The following PCDHA8 variants were observed in gnomAD, a reference collection of about 807,000 sequenced individuals.
PCDHA8 encodes the protein protocadherin alpha 8.
A neutral mutation model predicts 61.8 loss-of-function variants in PCDHA8; 53 were observed. That is an observed-to-expected ratio of 0.86 (90% CI 0.69 to 1.08). The LOEUF (loss-of-function observed/expected upper bound fraction) is 1.08, where lower values mean the gene tolerates loss of function less well. PCDHA8 is among the 50% of genes least tolerant of loss of function. PCDHA8 has a pLI of 0.00. For missense variants in PCDHA8, 1,293 were observed against 1,245.0 expected, an observed-to-expected ratio of 1.04 and a Z score of -0.58; for synonymous variants, 618 against 556.6, an observed-to-expected ratio of 1.11 and a Z score of -1.55.
Position 141,010,120 on chromosome 5 carries a change from C to T in PCDHA8, c.*183C>T, listed in dbSNP as rs1554262685. 6.2e-7 allele frequency: 1 copy of T among 1,607,404 alleles called. No homozygotes were observed. Among genetic ancestry groups the T allele is most frequent in the Admixed American group, 1.7e-5 (1 of 58,482 alleles). ...AACAGGTTTTGTCGTAAAAGCTTTACTAAGTCTGGTGTTAACTCTTTCTCT... is the reference window on the plus strand; with the variant it reads ...AACAGGTTTTGTCGTAAAAGCTTTATTAAGTCTGGTGTTAACTCTTTCTCT... On this transcript the variant is annotated 3_prime_UTR_variant, in exon 4 of 4. Coordinates refer to ENST00000531613, the MANE Select transcript of PCDHA8 (RefSeq NM_018911.3).
Position 140,883,794 on chromosome 5 carries a change from C to T in PCDHA8, c.2394+40079C>T, listed in dbSNP as rs781822448. On this transcript the variant is annotated intron_variant, in intron 1 of 3. Coordinates refer to ENST00000531613, the MANE Select transcript of PCDHA8 (RefSeq NM_018911.3). ...GAGCGTGCGCTGTCGAGCTACGTGT[C>T]GGTGCACGCGGAGAGCGGCAAGGTG... 8 of 1,612,476 alleles carry T rather than the reference C, an allele frequency of 5.0e-6. No individual in the cohort carries two copies. The East Asian group carries it at 1.6e-4, about 31-fold the overall frequency.
chr5:140,871,419 C>A (rs1554165566), intron 1 of PCDHA8: 1 of 1,613,732 alleles, frequency 6.2e-7, no homozygotes. Flanking sequence ...TGGCCTTCAG[C>A]CCCAGTCTTC....
intron 1 of PCDHA8, chr5:140,849,633 G>A: frequency 6.3e-7 from 1 of 1,598,806 alleles, no homozygotes; most frequent in African/African-American, 1.3e-5. Flanking sequence ...CCTAGACGCA[G>A]ATGCCAACGG....
At chr5:140,985,532 G>T (rs1358120172) in intron 3 of PCDHA8, among the ~76,000 whole-genome samples, 1 of 152,072 alleles carries the variant, frequency 6.6e-6, no homozygotes, top group Non-Finnish European at 1.5e-5. Context: ...AAAGCTTCAC[G>T]GTGAAGATGC....
At chr5:140,858,252 C>T in intron 1 of PCDHA8, 1 of 1,596,744 alleles carries the variant, frequency 6.3e-7, no homozygotes. Context: ...CCGGTGAAGC[C>T]CACGCTGGTG....
Position 140,887,082 on chromosome 5 carries a change from CT to C in PCDHA8, c.2394+43368del, listed in dbSNP as rs781992332. On this transcript the variant is annotated intron_variant, in intron 1 of 3. Coordinates refer to ENST00000531613, the MANE Select transcript of PCDHA8 (RefSeq NM_018911.3). Reference sequence around the variant, plus strand: ...GGCAACAAATTCACTCAGCTTTTGTCTGAGAAATATCTTTATCTCTTTTTTT... The same window carrying C: ...GGCAACAAATTCACTCAGCTTTTGTCGAGAAATATCTTTATCTCTTTTTTT... 2.0e-5 allele frequency among the ~76,000 whole-genome samples: 3 copies of C among 151,694 alleles called. No individual in the cohort carries two copies. The East Asian group carries it at 5.8e-4, about 29-fold the overall frequency.
At chr5:140,887,679 C>G (rs2061539498) in intron 1 of PCDHA8, among the ~76,000 whole-genome samples, 1 of 152,058 alleles carries the variant, frequency 6.6e-6, no homozygotes, top group East Asian at 1.9e-4. Flanking sequence ...TCATTTTCAT[C>G]AAATTCAGGA....
chr5:140,905,152 G>T (rs2071629879), intron 1 of PCDHA8, among the ~76,000 whole-genome samples: 1 of 152,154 alleles, frequency 6.6e-6, no homozygotes. Context: ...TTATATTTTA[G>T]AATTTTCATG....
chr5:140,922,441 A>G (rs2080844983), intron 1 of PCDHA8, among the ~76,000 whole-genome samples: 1 of 152,216 alleles, frequency 6.6e-6, no homozygotes, highest in Non-Finnish European at 1.5e-5. Flanking sequence ...GAACTCTCTC[A>G]TTATCCTATT....
In PCDHA8 at chr5:140,857,966, G is replaced by C. The variant is rs1212933789; in HGVS notation, c.2394+14251G>C. 1.9e-6 allele frequency: 3 copies of C among 1,596,950 alleles called. No individual in the cohort carries two copies. The highest frequency in any genetic ancestry group is 1.1e-5 in the South Asian group (1 of 90,498). ...TACGACGCGCGCTCTGGATGAGACT[G>C]ACTCGCCACGCCAGCGCCTACTGGT... is the stretch of plus-strand genomic sequence containing the variant. On this transcript the variant is annotated intron_variant, in intron 1 of 3. Transcript: ENST00000531613.
chr5:140,959,303 T>C (rs1467527270), intron 1 of PCDHA8, among the ~76,000 whole-genome samples: 1 of 151,938 alleles, frequency 6.6e-6, no homozygotes, highest in African/African-American at 2.4e-5. Flanking sequence ...CTGAGCCCGG[T>C]GGTTGAAGCT....
chr5:140,879,838 A>G (rs73793511), intron 1 of PCDHA8, among the ~76,000 whole-genome samples: 3,913 of 152,230 alleles, frequency 0.026, 159 homozygotes, highest in African/African-American at 0.089. Flanking sequence ...TTGTGGCTGT[A>G]CCACTCCCAT....
chr5:140,968,089 C>T lies in PCDHA8; in HGVS notation c.2395-10860C>T, dbSNP rs546330069. ...CTGTCTACAACATCACGGTGACAGC[C>T]ACAGATGGGGGAATACCGCAGCTCA... On this transcript the variant is annotated intron_variant, in intron 1 of 3. Transcript: ENST00000531613. 120 of 1,614,126 alleles carry T rather than the reference C, an allele frequency of 7.4e-5. 1 individual carries two copies. The South Asian group carries it at 1.2e-3, about 16-fold the overall frequency.
chr5:140,964,968 G>A lies in PCDHA8; in HGVS notation c.2395-13981G>A, dbSNP rs566051914. On this transcript the variant is annotated intron_variant, in intron 1 of 3. Coordinates refer to ENST00000531613, the MANE Select transcript of PCDHA8 (RefSeq NM_018911.3). ...GAGTGTGCTTGGTTGGTGGAACGAA[G>A]GGATGTGCTAGTTCAGGCCTTTGAA... 3.9e-5 allele frequency among the ~76,000 whole-genome samples: 6 copies of A among 152,326 alleles called. No individual in the cohort carries two copies. In the South Asian group the frequency reaches 1.0e-3, roughly 26 times the overall value.
intron 1 of PCDHA8, chr5:140,856,843 T>G: frequency 6.3e-7 from 1 of 1,593,286 alleles, no homozygotes; most frequent in South Asian, 1.1e-5. Context: ...GGCTCAACGC[T>G]TCTGATTCGG....
At chr5:140,949,117 T>C (rs1295254726) in intron 1 of PCDHA8, among the ~76,000 whole-genome samples, 2 of 151,762 alleles carry the variant, frequency 1.3e-5, no homozygotes, top group Admixed American at 6.6e-5. Context: ...CAAATATTTT[T>C]GGTTTTCCTA....
Position 140,858,211 on chromosome 5 carries a change from C to T in PCDHA8, c.2394+14496C>T, listed in dbSNP as rs368039385. On this transcript the variant is annotated intron_variant, in intron 1 of 3. Transcript: ENST00000531613. ...TGCTGCTGTACACTGCACTGAGGTG[C>T]TCGGCGGCGCCCACCGAGGGCGCAT... 10 of 1,594,094 alleles carry T rather than the reference C, an allele frequency of 6.3e-6. 2 individuals are homozygous for T. Among genetic ancestry groups the T allele is most frequent in the Non-Finnish European group, 8.6e-6 (10 of 1,165,544 alleles).
At chr5:140,869,850 G>A in intron 1 of PCDHA8, 1 of 1,610,774 alleles carries the variant, frequency 6.2e-7, no homozygotes, top group South Asian at 1.1e-5. Flanking sequence ...AATATAAGGT[G>A]AGCCTTATGG....
At position 140,843,494 on chromosome 5, in the gene PCDHA8, G is replaced by A; in HGVS notation, c.2173G>A (p.Ala725Thr). 1 of 1,596,028 alleles carries A rather than the reference G, an allele frequency of 6.3e-7. No homozygotes were observed. Among genetic ancestry groups the A allele is most frequent in the Non-Finnish European group, 8.6e-7 (1 of 1,165,618 alleles). ...GCTGTACACTGCGCTGCGGTGCTCA[G>A]CACTGCCCACTGAGGGCGGGTGCCG... ...LLLYTALRCS[A>T]LPTEGGCRAG... Residue 725 changes from alanine to threonine, a missense_variant, in exon 1 of 4, where the codon GCA becomes ACA. Ala to Thr is a moderately conservative substitution (Grantham distance 58). Coordinates refer to ENST00000531613, the MANE Select transcript of PCDHA8 (RefSeq NM_018911.3).
Sources: gnomAD v4.1 joint callset for allele counts (sites outside exome capture counted in the v4.1 genomes callset) on GRCh38, gnomAD v4.1.1 for gene constraint, MANE v1.5 for transcripts, NCBI Gene and HGNC (gene_info 2026-07-23, HGNC 2026-07-21) for gene names.